Variants in ARHGAP29 observed in about 807,000 individuals in gnomAD.
ARHGAP29 encodes Rho GTPase activating protein 29.
A neutral mutation model predicts 122.6 loss-of-function variants in ARHGAP29; 43 were observed. That is an observed-to-expected ratio of 0.35 (90% CI 0.27 to 0.45). ARHGAP29 has a LOEUF of 0.45. ARHGAP29 is among the 20% of genes least tolerant of loss of function. The probability of loss-of-function intolerance (pLI) is 1.00; values close to 1 mark genes in which losing one functional copy is unlikely to be tolerated. For synonymous variants in ARHGAP29, 506 were observed against 497.1 expected (o/e 1.02, Z -0.24); for missense variants, 1,303 against 1,477.2 (o/e 0.88, Z 1.93).
chr1:94,198,914 AC>A (rs1446490949), intron 12 of ARHGAP29, among the ~76,000 whole-genome samples: 1 of 152,244 alleles, frequency 6.6e-6, no homozygotes, highest in African/African-American at 2.4e-5. Flanking sequence ...AAGCTGGAAG[AC>A]CCACACTGTG....
At chr1:94,215,691 A>T (rs553633782) in intron 3 of ARHGAP29, among the ~76,000 whole-genome samples, 1 of 152,292 alleles carries the variant, frequency 6.6e-6, no homozygotes, top group East Asian at 1.9e-4. Context: ...ATTCTATTAT[A>T]ATCTCAGAGC....
intron 20 of ARHGAP29, 61 bp downstream of exon 20, chr1:94,179,664 T>C: frequency 9.1e-7 from 1 of 1,104,830 alleles, no homozygotes; most frequent in South Asian, 1.6e-5. Context: ...TTACCACAAT[T>C]AAAAACAAAA....
At chr1:94,312,305 G>A in the ARHGAP29 span, among the ~76,000 whole-genome samples, 1 of 148,540 alleles carries the variant, frequency 6.7e-6, no homozygotes, top group South Asian at 2.1e-4. Context: ...TGACCTATTA[G>A]CATTGTACAA....
upstream of ARHGAP29, among the ~76,000 whole-genome samples, chr1:94,276,035 A>T (rs544690452): frequency 1.5e-4 from 23 of 152,190 alleles, no homozygotes; most frequent in Admixed American, 3.3e-4. Context: ...ATGCGGGCAG[A>T]TTACTTGAGG....
Position 94,169,845 on chromosome 1 carries a change from A to C in ARHGAP29, c.*4024T>G, listed in dbSNP as rs927076240. On this transcript the variant is annotated 3_prime_UTR_variant, in exon 23 of 23. Coordinates refer to ENST00000260526, the MANE Select transcript of ARHGAP29 (RefSeq NM_004815.4). Reference sequence around the variant, plus strand: ...ATGAGGCATCTCTAAGGAACACAGAAGCCAGCTTGAAGAGACTCCCAAAAA... The same window carrying C: ...ATGAGGCATCTCTAAGGAACACAGACGCCAGCTTGAAGAGACTCCCAAAAA... Among the ~76,000 whole-genome samples the C allele has an allele frequency of 2.6e-5, 4 of 152,238 alleles. No homozygotes were observed. Among genetic ancestry groups the C allele is most frequent in the Admixed American group, 6.5e-5 (1 of 15,290 alleles).
chr1:94,225,359 T>C (rs1348682755), intron 2 of ARHGAP29, among the ~76,000 whole-genome samples: 1 of 152,100 alleles, frequency 6.6e-6, no homozygotes, highest in East Asian at 1.9e-4. Context: ...ATAATACCTG[T>C]TTTACCTACC....
chr1:94,211,155 C>A (rs970672232), intron 3 of ARHGAP29, among the ~76,000 whole-genome samples: 3 of 151,368 alleles, frequency 2.0e-5, no homozygotes, highest in Non-Finnish European at 4.4e-5. Flanking sequence ...GCAATGGTGA[C>A]GCGTGCCTGT....
At chr1:94,179,033 C>T (rs1649283590) in intron 20 of ARHGAP29, among the ~76,000 whole-genome samples, 1 of 152,144 alleles carries the variant, frequency 6.6e-6, no homozygotes, top group African/African-American at 2.4e-5. Context: ...CCTCTGCATG[C>T]TGTGCATAGC....
chr1:94,208,941 T>A (rs760343443), intron 4 of ARHGAP29, 37 bp from the exon 5 acceptor site: 34 of 1,564,168 alleles, frequency 2.2e-5, no homozygotes, highest in Non-Finnish European at 1.8e-6. Flanking sequence ...GACAAGTCAT[T>A]ATACTTCTTT....
At chr1:94,285,844 C>T in the ARHGAP29 span, among the ~76,000 whole-genome samples, 1 of 140,920 alleles carries the variant, frequency 7.1e-6, no homozygotes, top group African/African-American at 2.7e-5. Context: ...CACTATACTC[C>T]AGCCTGATGA....
chr1:94,282,275 A>C, the ARHGAP29 span, among the ~76,000 whole-genome samples: 9 of 148,118 alleles, frequency 6.1e-5, no homozygotes, highest in African/African-American at 2.3e-4. Context: ...TTATTTATTT[A>C]TTTATTTATT....
At chr1:94,314,235 A>G in the ARHGAP29 span, among the ~76,000 whole-genome samples, 3 of 152,354 alleles carry the variant, frequency 2.0e-5, no homozygotes, top group South Asian at 6.2e-4. Context: ...TTTAAAACAT[A>G]GCAGCCACTT....
chr1:94,293,929 T>C, the ARHGAP29 span, among the ~76,000 whole-genome samples: 314 of 152,276 alleles, frequency 2.1e-3, 2 homozygotes, highest in Middle Eastern at 0.01. Context: ...AGTTAGAAGG[T>C]TAGGCTGAAT....
intron 2 of ARHGAP29, among the ~76,000 whole-genome samples, chr1:94,221,863 C>T (rs866294893): frequency 9.3e-5 from 14 of 151,310 alleles, no homozygotes; most frequent in South Asian, 6.2e-4. Flanking sequence ...TACTATTCTC[C>T]AATGAAAGTA....
chr1:94,212,882 T>A (rs1156727274), intron 3 of ARHGAP29, among the ~76,000 whole-genome samples: 1 of 152,208 alleles, frequency 6.6e-6, no homozygotes, highest in African/African-American at 2.4e-5. Flanking sequence ...CTTTCCTACA[T>A]TCTCCAAAAC....
chr1:94,232,100 T>C (rs1360361798), intron 1 of ARHGAP29, among the ~76,000 whole-genome samples: 2 of 152,110 alleles, frequency 1.3e-5, no homozygotes, highest in East Asian at 1.9e-4. Context: ...TCTCCTTCCA[T>C]GACATCACCT....
Position 94,174,469 on chromosome 1 carries a change from A to T in ARHGAP29, c.3186T>A (p.Ala1062=). Residue 1062 remains alanine (A), a synonymous_variant, in exon 23 of 23, where the codon GCT becomes GCA. Coordinates refer to ENST00000260526, the MANE Select transcript of ARHGAP29 (RefSeq NM_004815.4). ...CATTAAATTTGGAACAAACAGTAGTAGCAGCGTCTTTTCTATTAACTCCTT... is the reference window on the plus strand; with the variant it reads ...CATTAAATTTGGAACAAACAGTAGTTGCAGCGTCTTTTCTATTAACTCCTT... ...AFEGVNRKDA[A]TTVCSKFNGF... The T allele has an allele frequency of 4.3e-6, 7 of 1,614,254 alleles. No individual in the cohort carries two copies. Among genetic ancestry groups the T allele is most frequent in the Non-Finnish European group, 5.9e-6 (7 of 1,180,044 alleles).
chr1:94,209,742 C>T (rs1651463644), intron 3 of ARHGAP29, among the ~76,000 whole-genome samples: 1 of 152,124 alleles, frequency 6.6e-6, no homozygotes, highest in Non-Finnish European at 1.5e-5. Flanking sequence ...CAGCTAAACA[C>T]ACTGTAGCTC....
At chr1:94,207,753 A>T (rs1651298298) in intron 5 of ARHGAP29, among the ~76,000 whole-genome samples, 1 of 152,094 alleles carries the variant, frequency 6.6e-6, no homozygotes, top group Non-Finnish European at 1.5e-5. Flanking sequence ...TTAAATAGTC[A>T]TTTTTATTTT....
Sources: allele counts gnomAD v4.1 joint callset (sites outside exome capture counted in the v4.1 genomes callset), GRCh38; gene constraint gnomAD v4.1.1; transcripts MANE v1.5; gene names NCBI Gene and HGNC (gene_info 2026-07-23, HGNC 2026-07-21).